Variants in HPSE2 observed in about 807,000 individuals in gnomAD.
HPSE2 encodes the protein heparanase 2 (inactive), also known as inactive heparanase-2.
A neutral mutation model predicts 60.5 loss-of-function variants in HPSE2; 38 were observed. The observed-to-expected ratio is 0.63, with a 90% CI of 0.48 to 0.82. The LOEUF (loss-of-function observed/expected upper bound fraction) is 0.82. Among genes scored for constraint, HPSE2 ranks in the 40% least tolerant of loss-of-function variants. The pLI is 0.00. For missense variants in HPSE2, 713 were observed against 740.4 expected (o/e 0.96, Z 0.43); for synonymous variants, 295 against 293.2 (o/e 1.01, Z -0.06).
chr10:98,721,845 C>T lies in HPSE2; in HGVS notation c.785-17G>A. 6.2e-7 allele frequency: 1 copy of T among 1,610,794 alleles called. No homozygotes were observed. The highest frequency in any genetic ancestry group is 8.5e-7 in the Non-Finnish European group (1 of 1,178,122). ...TATTTGGCTCTAGATTAAAAGCAGA[C>T]ATGTAAGTCAGAATGAGAAGTGTAA... On this transcript the variant is annotated splice_polypyrimidine_tract_variant and intron_variant, in intron 4 of 11. Transcript: ENST00000370552.
chr10:99,141,300 A>G (rs1845858888), intron 3 of HPSE2, among the ~76,000 whole-genome samples: 1 of 152,282 alleles, frequency 6.6e-6, no homozygotes, highest in East Asian at 1.9e-4. Context: ...GGAAAAGTGC[A>G]GTACATGACT....
chr10:98,923,234 T>A (rs960842902), intron 3 of HPSE2, among the ~76,000 whole-genome samples: 1 of 152,238 alleles, frequency 6.6e-6, no homozygotes, highest in Non-Finnish European at 1.5e-5. Context: ...TCTCCTGACC[T>A]GTAAGGTTTG....
chr10:99,093,639 A>C (rs185166525), intron 3 of HPSE2, among the ~76,000 whole-genome samples: 153 of 152,308 alleles, frequency 1.0e-3, no homozygotes, highest in Non-Finnish European at 1.8e-3. Flanking sequence ...TGTCAAGTGC[A>C]AGAGCCCACT....
At chr10:98,932,841 A>T (rs1271151676) in intron 3 of HPSE2, among the ~76,000 whole-genome samples, 1 of 142,660 alleles carries the variant, frequency 7.0e-6, no homozygotes, top group South Asian at 2.1e-4. Flanking sequence ...ATTATTTCTG[A>T]TTGTGTTTAT....
At chr10:99,033,879 T>A (rs1470898467) in intron 3 of HPSE2, among the ~76,000 whole-genome samples, 1 of 152,058 alleles carries the variant, frequency 6.6e-6, no homozygotes, top group Non-Finnish European at 1.5e-5. Context: ...CTGGTAGAAA[T>A]GCAAATGGTA....
At chr10:99,017,990 G>A (rs536060677) in intron 3 of HPSE2, among the ~76,000 whole-genome samples, 1 of 152,060 alleles carries the variant, frequency 6.6e-6, no homozygotes, top group Non-Finnish European at 1.5e-5. Context: ...TAATAATAAA[G>A]AGGAAAAGTA....
At chr10:98,772,695 AT>A (rs1477584029) in intron 3 of HPSE2, among the ~76,000 whole-genome samples, 1 of 152,198 alleles carries the variant, frequency 6.6e-6, no homozygotes, top group Non-Finnish European at 1.5e-5. Context: ...TGCAAATTAG[AT>A]GCCTATTACT....
intron 3 of HPSE2, among the ~76,000 whole-genome samples, chr10:98,894,136 T>A (rs955459508): frequency 6.6e-6 from 1 of 152,194 alleles, no homozygotes; most frequent in African/African-American, 2.4e-5. Flanking sequence ...CATAGATTGC[T>A]GGTGCCCAAA....
At chr10:98,723,843 A>G (rs530401443) in intron 4 of HPSE2, among the ~76,000 whole-genome samples, 29 of 151,160 alleles carry the variant, frequency 1.9e-4, no homozygotes, top group Middle Eastern at 6.8e-3. Flanking sequence ...CGTCTATTTG[A>G]TTCTTCTCTC....
intron 3 of HPSE2, among the ~76,000 whole-genome samples, chr10:98,885,629 C>T (rs1953141752): frequency 6.6e-6 from 1 of 152,110 alleles, no homozygotes; most frequent in Non-Finnish European, 1.5e-5. Flanking sequence ...TCCACTAGTA[C>T]AGACATTACA....
rs554179248 is a variant in HPSE2 at position 99,028,509 on chromosome 10, T to G, written c.610+115729A>C. 1.6e-4 allele frequency among the ~76,000 whole-genome samples: 25 copies of G among 152,236 alleles called. No individual in the cohort carries two copies. The South Asian group carries it at 5.2e-3, about 32-fold the overall frequency. ...AGGTCATCAAAGAATGGAAAAATAT[T>G]CCATATTTATGGATCAGAAGAATCA... On this transcript the variant is annotated intron_variant, in intron 3 of 11. Transcript: ENST00000370552.
intron 3 of HPSE2, among the ~76,000 whole-genome samples, chr10:99,072,927 C>CAAAAAAAAA (rs770699941): frequency 9.1e-5 from 8 of 88,034 alleles, no homozygotes; most frequent in Middle Eastern, 5.9e-3. Context: ...GGCTCCGTCT[C>CAAAAAAAAA]AAAAAAAAAA....
intron 3 of HPSE2, among the ~76,000 whole-genome samples, chr10:99,034,196 A>G (rs954408920): frequency 6.6e-6 from 1 of 152,196 alleles, no homozygotes; most frequent in Non-Finnish European, 1.5e-5. Flanking sequence ...TAAATAATAA[A>G]TGTATTTTGT....
chr10:98,794,358 C>T (rs900904507), intron 3 of HPSE2, among the ~76,000 whole-genome samples: 10 of 151,840 alleles, frequency 6.6e-5, no homozygotes, highest in Non-Finnish European at 1.2e-4. Flanking sequence ...ATTCTCATGC[C>T]GCAGCCTCCT....
intron 3 of HPSE2, among the ~76,000 whole-genome samples, chr10:99,035,979 A>C (rs1564753904): frequency 6.6e-6 from 1 of 152,208 alleles, no homozygotes; most frequent in Non-Finnish European, 1.5e-5. Flanking sequence ...TGGAAGGCCA[A>C]TGCAGAAGAT....
chr10:98,667,001 TAA>T (rs202123859), intron 6 of HPSE2, among the ~76,000 whole-genome samples: 1 of 147,008 alleles, frequency 6.8e-6, no homozygotes, highest in South Asian at 2.2e-4. Flanking sequence ...TTCAAAGGAA[TAA>T]AAAAGATTGT....
At chr10:98,564,977 A>T (rs538873) in intron 9 of HPSE2, among the ~76,000 whole-genome samples, 2 of 151,530 alleles carry the variant, frequency 1.3e-5, no homozygotes, top group African/African-American at 4.9e-5. Context: ...CATCCTGTAT[A>T]GTCATTTGTC....
intron 3 of HPSE2, among the ~76,000 whole-genome samples, chr10:98,812,637 C>T (rs747857902): frequency 2.6e-5 from 4 of 151,988 alleles, no homozygotes; most frequent in African/African-American, 7.3e-5. Context: ...TTTGTTGGCC[C>T]AATATATCCA....
At chr10:98,515,559 CTGTTT>C (rs1425387052) in intron 9 of HPSE2, among the ~76,000 whole-genome samples, 1 of 152,076 alleles carries the variant, frequency 6.6e-6, no homozygotes, top group Non-Finnish European at 1.5e-5. Flanking sequence ...TAGAATTATC[CTGTTT>C]TAAGGGGAAA....
Sources: gnomAD v4.1 joint callset for allele counts (sites outside exome capture counted in the v4.1 genomes callset) on GRCh38, gnomAD v4.1.1 for gene constraint, MANE v1.5 for transcripts, NCBI Gene and HGNC (gene_info 2026-07-23, HGNC 2026-07-21) for gene names.